The following NAV3 variants were observed in gnomAD, a reference collection of about 807,000 sequenced individuals.
The protein encoded by NAV3 is neuron navigator 3.
Under a neutral mutation model 244.7 loss-of-function variants are expected in NAV3, and 87 were observed. The ratio of observed to expected loss-of-function variants is 0.36; its 90% CI spans 0.30 to 0.42. NAV3 has a LOEUF of 0.42. Among genes scored for constraint, NAV3 ranks in the 20% least tolerant of loss-of-function variants. The pLI, the probability that NAV3 is intolerant of heterozygous loss-of-function variation, is 1.00. For synonymous variants in NAV3, 1,126 were observed against 1,042.2 expected (o/e 1.08, Z -1.55); for missense variants, 2,663 against 2,893.3 (o/e 0.92, Z 1.83).
intron 38 of NAV3, among the ~76,000 whole-genome samples, chr12:78,202,070 T>C (rs1959765895): frequency 6.6e-6 from 1 of 151,882 alleles, no homozygotes; most frequent in South Asian, 2.1e-4. Context: ...ATTTAACACT[T>C]TTAAAGGTAT....
chr12:78,013,890 CT>C (rs1295427683), intron 8 of NAV3, among the ~76,000 whole-genome samples: 2 of 151,766 alleles, frequency 1.3e-5, no homozygotes, highest in African/African-American at 4.8e-5. Context: ...TTTAAAACTC[CT>C]TTTTTTATTG....
intron 2 of NAV3, among the ~76,000 whole-genome samples, chr12:77,819,557 A>G (rs1024496912): frequency 5.3e-5 from 8 of 151,954 alleles, no homozygotes; most frequent in African/African-American, 1.9e-4. Context: ...TTAGTTGTCC[A>G]TTTTTTTCTA....
At chr12:77,892,837 G>T (rs775972719) in intron 1 of NAV3, among the ~76,000 whole-genome samples, 1 of 152,092 alleles carries the variant, frequency 6.6e-6, no homozygotes, top group South Asian at 2.1e-4. Flanking sequence ...TAAAATATAC[G>T]CAAAGTGCTT....
At chr12:77,824,857 C>G (rs1008896859) in intron 2 of NAV3, among the ~76,000 whole-genome samples, 2 of 151,838 alleles carry the variant, frequency 1.3e-5, no homozygotes, top group Non-Finnish European at 2.9e-5. Flanking sequence ...TGCACCACTG[C>G]ACTCCAGCCT....
At chr12:77,931,823 C>T (rs1304175545) in intron 1 of NAV3, among the ~76,000 whole-genome samples, 1 of 152,050 alleles carries the variant, frequency 6.6e-6, no homozygotes, top group Non-Finnish European at 1.5e-5. Flanking sequence ...GCCGAGATCG[C>T]GCCACTGCAC....
intron 1 of NAV3, among the ~76,000 whole-genome samples, chr12:77,904,543 A>G (rs1885737397): frequency 6.6e-6 from 1 of 152,198 alleles, no homozygotes; most frequent in African/African-American, 2.4e-5. Context: ...ACCTAATGCT[A>G]AATGACGAGT....
At chr12:78,066,402 A>G (rs1885026869) in intron 12 of NAV3, among the ~76,000 whole-genome samples, 1 of 152,152 alleles carries the variant, frequency 6.6e-6, no homozygotes, top group Non-Finnish European at 1.5e-5. Flanking sequence ...AAGTAGAATG[A>G]TAATAGAAGT....
chr12:77,682,982 A>G (rs2137121709), intron 2 of NAV3, among the ~76,000 whole-genome samples: 1 of 152,114 alleles, frequency 6.6e-6, no homozygotes, highest in Non-Finnish European at 1.5e-5. Flanking sequence ...TACTTTGCTG[A>G]TTGTTTCAAT....
At chr12:77,668,899 A>G (rs529642818) in intron 2 of NAV3, among the ~76,000 whole-genome samples, 6 of 152,312 alleles carry the variant, frequency 3.9e-5, no homozygotes, top group African/African-American at 2.4e-5. Context: ...GTGTGAGGCA[A>G]AAGTATCAGG....
At position 77,849,879 on chromosome 12, in the gene NAV3, T is replaced by A. The variant is rs969581193; in HGVS notation, c.243+18175T>A. 3.3e-5 allele frequency among the ~76,000 whole-genome samples: 5 copies of A among 152,140 alleles called. No homozygotes were observed. In the East Asian group the frequency reaches 9.6e-4, roughly 29 times the overall value. ...ACCTATCTCATCAAATATAGACTTT[T>A]GAATGTGGAAGAAAGAGTGGAGGAT... On this transcript the variant is annotated intron_variant, in intron 1 of 39. Coordinates refer to ENST00000397909, the MANE Select transcript of NAV3 (RefSeq NM_001024383.2).
At chr12:77,638,734 G>A (rs1872265257) in intron 2 of NAV3, among the ~76,000 whole-genome samples, 1 of 152,154 alleles carries the variant, frequency 6.6e-6, no homozygotes, top group South Asian at 2.1e-4. Context: ...AATAAAATCA[G>A]TAATATTTAT....
chr12:77,774,564 AGG>A, intron 2 of NAV3, among the ~76,000 whole-genome samples: 1 of 152,268 alleles, frequency 6.6e-6, no homozygotes, highest in Non-Finnish European at 1.5e-5. Context: ...ATGATCTTAA[AGG>A]ACTAGAGAGG....
At chr12:77,859,758 C>CAAAAAAGAAAAAAA (rs1878960698) in intron 1 of NAV3, among the ~76,000 whole-genome samples, 1 of 68,722 alleles carries the variant, frequency 1.5e-5, no homozygotes, top group Non-Finnish European at 2.7e-5. Flanking sequence ...CTTTCAAATG[C>CAAAAAAGAAAAAAA]AAAAAAAAAA....
intron 21 of NAV3, among the ~76,000 whole-genome samples, chr12:78,148,156 G>T (rs544385571): frequency 2.6e-5 from 4 of 152,064 alleles, no homozygotes; most frequent in Non-Finnish European, 4.4e-5. Flanking sequence ...CCTATCATTG[G>T]TTTTTTCCCC....
intron 2 of NAV3, among the ~76,000 whole-genome samples, chr12:77,726,974 T>C (rs560326712): frequency 6.6e-6 from 1 of 151,978 alleles, no homozygotes; most frequent in East Asian, 1.9e-4. Flanking sequence ...TAGAACAGTT[T>C]TAATCGAAGG....
intron 24 of NAV3, among the ~76,000 whole-genome samples, chr12:78,173,461 C>T (rs540234644): frequency 1.3e-4 from 19 of 151,698 alleles, no homozygotes; most frequent in African/African-American, 2.7e-4. Context: ...TTATTAGGAA[C>T]GAGCTAGCAA....
In NAV3 at chr12:77,593,955, C is replaced by A. The variant is rs570581455; in HGVS notation, c.72+21689C>A. Among the ~76,000 whole-genome samples, 3 of 152,236 alleles carry A rather than the reference C, an allele frequency of 2.0e-5. No individual in the cohort carries two copies. In the South Asian group the frequency reaches 6.2e-4, roughly 32 times the overall value. On this transcript the variant is annotated intron_variant, in intron 2 of 8. Coordinates refer to the NAV3 transcript ENST00000550042. Reference sequence around the variant, plus strand: ...CACGTGAAATTTACATATATACTGGCCCAGCTTCTGTCACATGGTGTTTAC... The same window carrying A: ...CACGTGAAATTTACATATATACTGGACCAGCTTCTGTCACATGGTGTTTAC...
intron 2 of NAV3, among the ~76,000 whole-genome samples, chr12:77,586,079 G>A (rs893274646): frequency 4.0e-5 from 6 of 151,880 alleles, no homozygotes; most frequent in African/African-American, 4.8e-5. Flanking sequence ...GGAGAATGGC[G>A]TGAACCCGGG....
At chr12:78,067,133 C>A (rs1336382549) in intron 12 of NAV3, among the ~76,000 whole-genome samples, 1 of 152,032 alleles carries the variant, frequency 6.6e-6, no homozygotes, top group African/African-American at 2.4e-5. Flanking sequence ...GTTCATGATG[C>A]TTGTCACTAG....
Sources: allele counts gnomAD v4.1 joint callset (sites outside exome capture counted in the v4.1 genomes callset), GRCh38; gene constraint gnomAD v4.1.1; transcripts MANE v1.5; gene names NCBI Gene and HGNC (gene_info 2026-07-23, HGNC 2026-07-21).